The following XPC variants were observed in gnomAD, a reference collection of about 807,000 sequenced individuals.
XPC encodes DNA repair protein complementing XP-C cells.
XPC carries 76 observed loss-of-function variants against 95.8 expected under a neutral mutation model. That is an observed-to-expected ratio of 0.79 (90% CI 0.66 to 0.96). The LOEUF (loss-of-function observed/expected upper bound fraction) is 0.96, where lower values mean the gene tolerates loss of function less well. Among genes scored for constraint, XPC ranks in the 40% least tolerant of loss-of-function variants. The probability of loss-of-function intolerance (pLI) is 0.00; values close to 1 mark genes in which losing one functional copy is unlikely to be tolerated. For synonymous variants in XPC, 442 were observed against 442.1 expected, an observed-to-expected ratio of 1.00 and a Z score of 0.00; for missense variants, 1,146 against 1,179.8, an observed-to-expected ratio of 0.97 and a Z score of 0.42.
Position 14,155,418 on chromosome 3 carries a change from T to A in XPC, c.2033+917A>T, listed in dbSNP as rs192823878. The stretch of plus-strand genomic sequence containing the variant: ...CTCAAAATTCCTGTTTCTATTTTTT[T>A]CTTACCTCAAAATTGTATTAACATT... On this transcript the variant is annotated intron_variant, in intron 10 of 15. Coordinates refer to ENST00000285021, the MANE Select transcript of XPC (RefSeq NM_004628.5). Among the ~76,000 whole-genome samples the A allele has an allele frequency of 1.4e-3, 215 of 152,290 alleles. 2 individuals carry two copies. The highest frequency in any genetic ancestry group is 4.6e-3 in the African/African-American group (190 of 41,580).
In XPC at chr3:14,152,345, A is replaced by C; in HGVS notation, c.2105T>G (p.Val702Gly). 1 of 1,612,958 alleles carries C rather than the reference A, an allele frequency of 6.2e-7. No individual in the cohort carries two copies. Among genetic ancestry groups the C allele is most frequent in the Non-Finnish European group, 8.5e-7 (1 of 1,179,452 alleles). ...KKARVVRLGE[V>G]PYKMVKGFSN... is the part of the protein sequence containing the mutation. ...CCCAGCTCCAGTTACCTTGTAGGGT[A>C]CTTCTCCAAGCCTCACCACTCTTGC... is the stretch of plus-strand genomic sequence containing the variant. The change falls in exon 11 of 16, where the codon GTA becomes GGA. Residue 702 changes from valine (V) to glycine (G), a missense_variant. By Grantham distance (109) the Val-to-Gly change is moderately radical. Coordinates refer to ENST00000285021, the MANE Select transcript of XPC (RefSeq NM_004628.5).
At chr3:14,167,330 T>G in intron 4 of XPC, 77 bp from the exon 5 acceptor site, 1 of 1,276,720 alleles carries the variant, frequency 7.8e-7, no homozygotes. Flanking sequence ...CAATTCCTTC[T>G]CCTCGGATGA....
chr3:14,146,135 C>T lies in XPC; in HGVS notation c.2629G>A (p.Asp877Asn). ...TCAGAAGAGAGTCCACCTCCTGCAT[C>T]TGTGTGGGGAGCTGCTGCCTCACTC... is the stretch of plus-strand genomic sequence containing the variant. ...PKSEAAAPHT[D>N]AGGGLSSDEE... The change falls in exon 16 of 16, where the codon GAT becomes AAT. Residue 877 changes from aspartate (D) to asparagine (N), a missense_variant. Coordinates refer to ENST00000285021, the MANE Select transcript of XPC (RefSeq NM_004628.5). 6.2e-7 allele frequency: 1 copy of T among 1,610,504 alleles called. No homozygotes were observed. Among genetic ancestry groups the T allele is most frequent in the South Asian group, 1.1e-5 (1 of 90,724 alleles).
intron 3 of XPC, 31 bp from the exon 4 acceptor site, chr3:14,168,411 T>C (rs774008659): frequency 6.2e-7 from 1 of 1,611,700 alleles, no homozygotes; most frequent in Non-Finnish European, 8.5e-7. Flanking sequence ...AAATCAGTAA[T>C]AGTAATAACA....
chr3:14,172,452 G>C (rs1696651006), intron 2 of XPC, among the ~76,000 whole-genome samples: 1 of 152,216 alleles, frequency 6.6e-6, no homozygotes, highest in Non-Finnish European at 1.5e-5. Context: ...GCACAATGCA[G>C]GTGTAGAAAG....
chr3:14,150,921 G>A (rs1446547884), intron 11 of XPC, among the ~76,000 whole-genome samples: 3 of 152,206 alleles, frequency 2.0e-5, no homozygotes, highest in African/African-American at 7.2e-5. Flanking sequence ...GCACCATGGG[G>A]AGGGTGCGGG....
At chr3:14,176,826 C>T (rs528055024) in intron 1 of XPC, among the ~76,000 whole-genome samples, 51 of 152,350 alleles carry the variant, frequency 3.3e-4, no homozygotes, top group African/African-American at 1.1e-3. Flanking sequence ...ACTAGCCGGG[C>T]GCAGTGGCTC....
At position 14,168,324 on chromosome 3, in the gene XPC, G is replaced by C; in HGVS notation, c.469C>G (p.Leu157Val). ...VRESTAFSRS[L>V]LPVKPVEIEI... Reference sequence around the variant, plus strand: ...ATCTCCACTGGCTTCACAGGCAGAAGAGATCGAGAGAAGGCTGTACTTTCT... The same window carrying C: ...ATCTCCACTGGCTTCACAGGCAGAACAGATCGAGAGAAGGCTGTACTTTCT... The change falls in exon 4 of 16, where the codon CTT (leucine) becomes GTT (valine). Residue 157 changes from leucine (L) to valine (V), a missense_variant. Leu to Val is a conservative substitution (Grantham distance 32, BLOSUM62 1). Coordinates refer to ENST00000285021, the MANE Select transcript of XPC (RefSeq NM_004628.5). 1 of 1,614,002 alleles carries C rather than the reference G, an allele frequency of 6.2e-7. No homozygotes were observed. The highest frequency in any genetic ancestry group is 2.2e-5 in the East Asian group (1 of 44,886).
intron 5 of XPC, among the ~76,000 whole-genome samples, chr3:14,166,565 C>G (rs1369262104): frequency 6.6e-6 from 1 of 151,436 alleles, no homozygotes; most frequent in Non-Finnish European, 1.5e-5. Context: ...GAGCTGGGCA[C>G]CTCGCCGTCC....
intron 11 of XPC, chr3:14,150,036 G>C (rs1269113081): frequency 6.6e-6 from 1 of 152,260 alleles, no homozygotes; most frequent in East Asian, 1.9e-4. Context: ...TCAGGTAACT[G>C]TCCATCAGTA....
At chr3:14,177,861 T>C (rs1029841465) in intron 1 of XPC, among the ~76,000 whole-genome samples, 13 of 41,714 alleles carry the variant, frequency 3.1e-4, no homozygotes, top group African/African-American at 1.1e-3. Flanking sequence ...AAATACACTC[T>C]TGAGGCTGAA....
In XPC at chr3:14,158,458, C is replaced by T. The variant is rs768776289; in HGVS notation, c.1425G>A (p.Arg475=). ...PKQRKAPAPQ[R]TKAGSKSASR... is the part of the protein sequence containing the mutation. ...AGGCACTCTTGGACCCAGCCTTTGT[C>T]CTCTGAGGAGCGGGGGCTTTCCTCT... Residue 475 remains arginine (R), a synonymous_variant, in exon 9 of 16, where the codon AGG becomes AGA. Coordinates refer to ENST00000285021, the MANE Select transcript of XPC (RefSeq NM_004628.5). This position sits in a 1 kb window ranked among gnomAD's most constrained non-coding sequence, Gnocchi z 5.2. The T allele has an allele frequency of 1.2e-6, 2 of 1,613,314 alleles. No individual in the cohort carries two copies. Among genetic ancestry groups the T allele is most frequent in the Non-Finnish European group, 8.5e-7 (1 of 1,179,518 alleles).
At position 14,168,862 on chromosome 3, in the gene XPC, A is replaced by C. The variant is rs191265013; in HGVS notation, c.413-482T>G. The stretch of plus-strand genomic sequence containing the variant: ...AATTATAAACTTGTAAGTGACAAAA[A>C]ATATATCCTTTTCATCTCTTCACCC... On this transcript the variant is annotated intron_variant, in intron 3 of 15. Transcript: ENST00000285021. Among the ~76,000 whole-genome samples, 3 of 152,326 alleles carry C rather than the reference A, an allele frequency of 2.0e-5. No individual in the cohort carries two copies. The East Asian group carries it at 5.8e-4, about 29-fold the overall frequency.
chr3:14,162,375 C>T (rs1696200175), intron 7 of XPC, among the ~76,000 whole-genome samples: 1 of 152,190 alleles, frequency 6.6e-6, no homozygotes, highest in Admixed American at 6.5e-5. Flanking sequence ...CCTGATTTCG[C>T]AACTTACTAC....
At chr3:14,171,832 C>T (rs914184216) in intron 2 of XPC, among the ~76,000 whole-genome samples, 2 of 150,850 alleles carry the variant, frequency 1.3e-5, no homozygotes, top group South Asian at 2.1e-4. Flanking sequence ...AGGACGGGAC[C>T]GGGATGGGGA....
chr3:14,148,761 C>G (rs776452012), intron 12 of XPC, 30 bp from the exon 13 acceptor site: 1 of 1,613,726 alleles, frequency 6.2e-7, no homozygotes, highest in South Asian at 1.1e-5. Context: ...CAGCATTTGG[C>G]CAGCAGGGGA....
chr3:14,164,780 G>T, intron 7 of XPC, 33 bp downstream of exon 7: 1 of 1,608,612 alleles, frequency 6.2e-7, no homozygotes, highest in South Asian at 1.1e-5. Context: ...TAACAGTACT[G>T]ATAAAAAACA....
At chr3:14,174,589 G>T (rs1236308113) in intron 1 of XPC, among the ~76,000 whole-genome samples, 2 of 152,182 alleles carry the variant, frequency 1.3e-5, no homozygotes, top group African/African-American at 2.4e-5. Flanking sequence ...TCAAAAGGAT[G>T]TTCATAGTAT....
chr3:14,149,330 T>G (rs1695589545), intron 11 of XPC, among the ~76,000 whole-genome samples: 1 of 151,898 alleles, frequency 6.6e-6, no homozygotes, highest in South Asian at 2.1e-4. Context: ...GGTGATGCAC[T>G]CGCCTCAACC....
Sources: allele counts gnomAD v4.1 joint callset (sites outside exome capture counted in the v4.1 genomes callset), GRCh38; gene constraint gnomAD v4.1.1; non-coding constraint Gnocchi (gnomAD v3.1); transcripts MANE v1.5; gene names NCBI Gene and HGNC (gene_info 2026-07-23, HGNC 2026-07-21).